The following LONP2 variants were observed in gnomAD, a reference collection of about 807,000 sequenced individuals.
LONP2 encodes lon protease homolog 2, peroxisomal.
In LONP2, 60 loss-of-function variants were observed where a neutral mutation model predicts 85.6. The ratio of observed to expected loss-of-function variants is 0.70; its 90% confidence interval spans 0.57 to 0.87. LONP2 has a LOEUF of 0.87. LONP2 is among the 40% of genes least tolerant of loss of function. LONP2 has a pLI of 0.00. For synonymous variants in LONP2, 395 were observed against 389.7 expected (o/e 1.01, Z -0.16); for missense variants, 860 against 1,063.5 (o/e 0.81, Z 2.66).
intron 9 of LONP2, among the ~76,000 whole-genome samples, chr16:48,297,857 G>A (rs1000136108): frequency 1.3e-5 from 2 of 151,930 alleles, no homozygotes; most frequent in African/African-American, 2.4e-5. Context: ...GCACCACCAC[G>A]CCCAGCTAAT....
chr16:48,246,460 T>G (rs974579914), intron 1 of LONP2, among the ~76,000 whole-genome samples: 3 of 152,240 alleles, frequency 2.0e-5, no homozygotes, highest in Non-Finnish European at 4.4e-5. Flanking sequence ...TGCATATGTA[T>G]TGATTAGCCA....
In LONP2 at chr16:48,256,646, G is replaced by A; in HGVS notation, c.505G>A (p.Ala169Thr). The change falls in exon 3 of 15, where the codon GCT becomes ACT. Residue 169 changes from alanine to threonine, a missense_variant. Ala to Thr is a moderately conservative substitution (Grantham distance 58). Around this residue, in one of 3 missense-constraint regions of LONP2, gnomAD observed 743 missense variants for 917.3 expected, o/e 0.81. Transcript: ENST00000285737. ...EMLDMSVPAV[A>T]KLRRLLDSLP... The stretch of plus-strand genomic sequence containing the variant: ...GTTGGATATGTCTGTCCCTGCAGTT[G>A]CTAAATTGAGACGTCTTTTAGATAG... 6.2e-7 allele frequency: 1 copy of A among 1,613,716 alleles called. No homozygotes were observed. The highest frequency in any genetic ancestry group is 2.2e-5 in the East Asian group (1 of 44,812).
intron 11 of LONP2, among the ~76,000 whole-genome samples, chr16:48,305,692 GTTGT>G (rs1361073174): frequency 4.6e-5 from 7 of 152,132 alleles, no homozygotes; most frequent in Non-Finnish European, 1.5e-5. Context: ...ACATCAACTT[GTTGT>G]TCTCTATCTC....
chr16:48,295,417 G>A (rs143866020), intron 8 of LONP2, among the ~76,000 whole-genome samples: 2 of 152,306 alleles, frequency 1.3e-5, no homozygotes, highest in African/African-American at 4.8e-5. Flanking sequence ...AAGCAGCAAT[G>A]TTTTGTAGTA....
intron 14 of LONP2, among the ~76,000 whole-genome samples, 164 bp downstream of exon 14, chr16:48,348,454 A>G (rs2151033772): frequency 6.6e-6 from 1 of 151,258 alleles, no homozygotes; most frequent in Non-Finnish European, 1.5e-5. Context: ...TTTTGATCAA[A>G]TAAAAGAAAA....
Position 48,270,227 on chromosome 16 carries a change from G to C in LONP2, c.1194G>C (p.Arg398Ser). The change falls in exon 7 of 15, where the codon AGG becomes AGC. Residue 398 changes from arginine (R) to serine (S), a missense_variant. By Grantham distance (110) the Arg-to-Ser change is moderately radical (BLOSUM62 -1). This residue lies in a region of LONP2 where 743 missense variants were observed against 917.3 expected (regional missense o/e 0.81). Transcript: ENST00000285737. ...AGACTCTAGGTCGAGAGTTCCACAG[G>C]ATTGCACTTGGAGGAGTATGTGATC... is the stretch of plus-strand genomic sequence containing the variant. ...VAKTLGREFHRIALGGVCDQS... is the reference protein window; with the variant it reads ...VAKTLGREFHSIALGGVCDQS... 6.2e-7 allele frequency: 1 copy of C among 1,614,026 alleles called. No individual in the cohort carries two copies. The highest frequency in any genetic ancestry group is 8.5e-7 in the Non-Finnish European group (1 of 1,179,934).
At chr16:48,349,539 G>A (rs1960074661) in intron 14 of LONP2, among the ~76,000 whole-genome samples, 1 of 152,184 alleles carries the variant, frequency 6.6e-6, no homozygotes, top group Non-Finnish European at 1.5e-5. Context: ...AGCCTCAGGA[G>A]AGACAGCCAC....
rs1219150449 is a variant in LONP2, at chr16:48,244,568, C to T, written c.180C>T (p.Ile60=). Residue 60 remains isoleucine (I), a synonymous_variant, in exon 1 of 15, where the codon ATC becomes ATT. Transcript: ENST00000285737. The part of the protein sequence containing the change: ...TSLQSTILGV[I]PNTPDPASDA... ...TGCAAAGCACCATCCTGGGCGTCAT[C>T]CCCAACACGCCTGACCCCGCCAGCG... The T allele has an allele frequency of 6.6e-7, 1 of 1,522,228 alleles. No homozygotes were observed. Among genetic ancestry groups the T allele is most frequent in the Non-Finnish European group, 8.8e-7 (1 of 1,137,798 alleles). 94.3% of individuals were successfully genotyped at this position (1,522,228 alleles called of 1,614,324 possible).
chr16:48,303,395 G>A, intron 11 of LONP2, 90 bp downstream of exon 11: 1 of 1,503,772 alleles, frequency 6.6e-7, no homozygotes, highest in Non-Finnish European at 9.2e-7. Context: ...GTGTTGGGTA[G>A]TCCTTGGAGC....
At position 48,295,939 on chromosome 16, in the gene LONP2, C is replaced by T; in HGVS notation, c.1384-76C>T. Reference sequence around the variant, plus strand: ...AGAAATACCAACCTTGCCAGTACATCATGTGTGTTTTCACTTATATACAGC... The same window carrying T: ...AGAAATACCAACCTTGCCAGTACATTATGTGTGTTTTCACTTATATACAGC... On this transcript the variant is annotated intron_variant, in intron 8 of 14. Coordinates refer to ENST00000285737, the MANE Select transcript of LONP2 (RefSeq NM_031490.5). 4 of 1,367,884 alleles carry T rather than the reference C, an allele frequency of 2.9e-6. No individual in the cohort carries two copies. In the South Asian group the frequency reaches 3.7e-5, roughly 13 times the overall value. 84.7% of individuals were successfully genotyped at this position (1,367,884 alleles called of 1,614,324 possible). A position where few individuals can be genotyped will look rare whatever the true frequency, so the allele number is the denominator to read the frequency against.
chr16:48,329,844 A>T (rs571907640), intron 11 of LONP2, among the ~76,000 whole-genome samples: 1 of 152,386 alleles, frequency 6.6e-6, no homozygotes, highest in South Asian at 2.1e-4. Flanking sequence ...TGGTTTACTT[A>T]ACCATGTTCC....
chr16:48,307,739 T>C (rs1937963001), intron 11 of LONP2, among the ~76,000 whole-genome samples: 1 of 152,212 alleles, frequency 6.6e-6, no homozygotes, highest in African/African-American at 2.4e-5. Context: ...AACAGTTATT[T>C]GTGAAATATG....
intron 11 of LONP2, among the ~76,000 whole-genome samples, chr16:48,317,923 G>T (rs895262655): frequency 6.6e-6 from 1 of 152,156 alleles, no homozygotes. Context: ...TGCATTTGGA[G>T]ATTTGTTGTT....
chr16:48,283,009 A>G (rs1318210231), intron 8 of LONP2, among the ~76,000 whole-genome samples: 3 of 152,222 alleles, frequency 2.0e-5, no homozygotes, highest in African/African-American at 4.8e-5. Flanking sequence ...GATATGAAGA[A>G]AGTTTTAGTG....
intron 8 of LONP2, among the ~76,000 whole-genome samples, chr16:48,291,323 T>C (rs537130262): frequency 2.0e-5 from 3 of 152,318 alleles, no homozygotes; most frequent in South Asian, 2.1e-4. Flanking sequence ...ACAAAAGATA[T>C]ACACTTTTAA....
intron 1 of LONP2, among the ~76,000 whole-genome samples, chr16:48,248,483 A>G (rs113285960): frequency 1.3e-5 from 2 of 151,988 alleles, no homozygotes; most frequent in Non-Finnish European, 2.9e-5. Flanking sequence ...TACCTTCTTC[A>G]TGGGGTGAAG....
rs139613713 is a variant in LONP2 at position 48,330,055 on chromosome 16, C to T, written c.1796-4161C>T. On this transcript the variant is annotated intron_variant, in intron 11 of 14. Transcript: ENST00000285737. ...CATATTGCTTTCCTGAAAGATTGAA[C>T]CAGTTTATACTTCTGTAAGCAACAG... is the stretch of plus-strand genomic sequence containing the variant. Among the ~76,000 whole-genome samples, 8 of 152,360 alleles carry T rather than the reference C, an allele frequency of 5.3e-5. No individual in the cohort carries two copies. The East Asian group carries it at 1.5e-3, about 29-fold the overall frequency.
chr16:48,360,481 A>C (rs543374824), downstream of LONP2: 1 of 152,786 alleles, frequency 6.5e-6, no homozygotes, highest in African/African-American at 2.4e-5. Context: ...TGAAACAGGA[A>C]AATAACTTCG....
intron 6 of LONP2, among the ~76,000 whole-genome samples, chr16:48,266,129 G>A (rs1055009347): frequency 1.3e-5 from 2 of 151,866 alleles, no homozygotes; most frequent in Non-Finnish European, 2.9e-5. Context: ...TCAGCCTCAC[G>A]AGTAGCCTTA....
Sources: allele counts gnomAD v4.1 joint callset (sites outside exome capture counted in the v4.1 genomes callset), GRCh38; gene constraint gnomAD v4.1.1; regional missense constraint gnomAD v4.1.1; transcripts MANE v1.5; gene names NCBI Gene and HGNC (gene_info 2026-07-23, HGNC 2026-07-21).